Variants in KDM6A observed in about 807,000 individuals in gnomAD.
The protein encoded by KDM6A is lysine-specific demethylase 6A.
A neutral mutation model predicts 117.6 loss-of-function variants in KDM6A; 11 were observed. The ratio of observed to expected loss-of-function variants is 0.09; its 90% CI spans 0.06 to 0.15. The LOEUF is 0.15. KDM6A is among the 10% of genes least tolerant of loss of function. The pLI, the probability that KDM6A is intolerant of heterozygous loss-of-function variation, is 1.00. For missense variants in KDM6A, 799 were observed against 1,077.3 expected, an observed-to-expected ratio of 0.74 and a Z score of 3.62; for synonymous variants, 384 against 396.1, an observed-to-expected ratio of 0.97 and a Z score of 0.36.
rs182851618 is a variant in KDM6A, at chrX:45,002,450, T to G, written c.385-8511T>G. Among the ~76,000 whole-genome samples, 32 of 112,474 alleles carry G rather than the reference T, an allele frequency of 2.8e-4. 1 individual carries two copies. Among genetic ancestry groups the G allele is most frequent in the Admixed American group, 2.5e-3 (27 of 10,621 alleles). On this transcript the variant is annotated intron_variant, in intron 4 of 29. Transcript: ENST00000611820. ...ATGATACCTCTTTAACTTTAGCCAG[T>G]ATGTTTACACACAGAATTTCCTTTA...
intron 3 of KDM6A, among the ~76,000 whole-genome samples, chrX:44,969,042 G>A (rs979206323): frequency 9.1e-6 from 1 of 110,235 alleles, no homozygotes; most frequent in Non-Finnish European, 1.9e-5. Flanking sequence ...CAGAAATTAC[G>A]AGGCAGGAGA....
chrX:45,037,132 A>G (rs1360335749), intron 7 of KDM6A, among the ~76,000 whole-genome samples: 1 of 112,709 alleles, frequency 8.9e-6, no homozygotes, highest in Non-Finnish European at 1.9e-5. Flanking sequence ...ACTTTGAGCC[A>G]GTATTACTCT....
intron 3 of KDM6A, among the ~76,000 whole-genome samples, chrX:44,963,239 A>T (rs917678408): frequency 9.1e-6 from 1 of 110,293 alleles, no homozygotes; most frequent in African/African-American, 3.3e-5. Context: ...AGGCAGGAGG[A>T]TTACTTGAGC....
intron 2 of KDM6A, among the ~76,000 whole-genome samples, chrX:44,875,318 C>T (rs1002241502): frequency 8.9e-6 from 1 of 111,992 alleles, no homozygotes; most frequent in African/African-American, 3.2e-5. Context: ...TCCTTTTTAT[C>T]TGTAATTACA....
chrX:45,057,947 T>G (rs2044142035), intron 10 of KDM6A, among the ~76,000 whole-genome samples: 1 of 111,026 alleles, frequency 9.0e-6, no homozygotes, highest in Non-Finnish European at 1.9e-5. Context: ...TGGAAAAACT[T>G]TATGTATGTA....
chrX:44,939,747 G>T (rs2037184345), intron 2 of KDM6A, among the ~76,000 whole-genome samples: 1 of 111,507 alleles, frequency 9.0e-6, no homozygotes, highest in Non-Finnish European at 1.9e-5. Context: ...CTAAGAAACT[G>T]CCACAGCCAC....
At position 44,892,127 on chromosome X, in the gene KDM6A, G is replaced by A. The variant is rs930492939; in HGVS notation, c.225+18140G>A. ...AAAGTCTTTGAAGAGGAACCTCTACGTTTTACAGCCTTAATATCAGGTGTA... is the reference window on the plus strand; with the variant it reads ...AAAGTCTTTGAAGAGGAACCTCTACATTTTACAGCCTTAATATCAGGTGTA... On this transcript the variant is annotated intron_variant, in intron 2 of 29. Coordinates refer to ENST00000611820, the MANE Select transcript of KDM6A (RefSeq NM_001291415.2). 1.1e-4 allele frequency among the ~76,000 whole-genome samples: 12 copies of A among 112,470 alleles called. No individual in the cohort carries two copies. The East Asian group carries it at 2.5e-3, about 24-fold the overall frequency.
Position 45,059,456 on chromosome X carries a change from A to C in KDM6A, c.1184A>C (p.Lys395Thr). Residue 395 changes from lysine (K) to threonine (T), a missense_variant, in exon 12 of 30, where the codon AAG becomes ACG. Physicochemically the swap from Lys to Thr is moderately conservative, Grantham distance 78. Coordinates refer to ENST00000611820, the MANE Select transcript of KDM6A (RefSeq NM_001291415.2). ...SNTSALAARI[K>T]YLQAQLCNLP... ...ACCTCTGCACTTGCAGCACGAATTA[A>C]GTATTTACAGGTAAAATTTTTAAAT... is the stretch of plus-strand genomic sequence containing the variant. 8.3e-7 allele frequency: 1 copy of C among 1,198,782 alleles called. No individual in the cohort carries two copies. The highest frequency in any genetic ancestry group is 1.1e-6 in the Non-Finnish European group (1 of 884,733).
At chrX:45,098,058 T>G (rs1434642245) in intron 27 of KDM6A, among the ~76,000 whole-genome samples, 1 of 112,136 alleles carries the variant, frequency 8.9e-6, no homozygotes, top group Non-Finnish European at 1.9e-5. Context: ...ATTTAACTAT[T>G]TAAATGAAAT....
Position 44,963,483 on chromosome X carries a change from G to GTGTGTGTGTGTGTGTGTGTC in KDM6A, c.334+2094_334+2095insGTGTGTGTGTGTGTGTCTGT, listed in dbSNP as rs1481840859. Reference sequence around the variant, plus strand: ...TGTGTGTGTGTGTGTGTGTGTGTGTGTGTCTGTCTGTCTGTCTCTGTCTGT... The same window carrying GTGTGTGTGTGTGTGTGTGTC: ...TGTGTGTGTGTGTGTGTGTGTGTGTGTGTGTGTGTGTGTGTGTGTCTGTCTGTCTGTCTGTCTCTGTCTGT... On this transcript the variant is annotated intron_variant, in intron 3 of 29. Transcript: ENST00000611820. Among the ~76,000 whole-genome samples the GTGTGTGTGTGTGTGTGTGTC allele has an allele frequency of 1.5e-4, 6 of 40,889 alleles. No homozygotes were observed. In the East Asian group the frequency reaches 5.2e-3, roughly 35 times the overall value. 35.5% of individuals were successfully genotyped at this position (40,889 alleles called of 115,157 possible). A position where few individuals can be genotyped will look rare whatever the true frequency, so the allele number is the denominator to read the frequency against.
At chrX:45,082,975 G>A (rs940230799) in intron 23 of KDM6A, among the ~76,000 whole-genome samples, 186 bp downstream of exon 23, 8 of 109,383 alleles carry the variant, frequency 7.3e-5, no homozygotes, top group African/African-American at 2.7e-4. Context: ...TTTAAAAATA[G>A]AGATGGGGTC....
intron 4 of KDM6A, among the ~76,000 whole-genome samples, chrX:44,992,206 CTTTTTTTTTTTTTTTTTTTTTTT>C (rs779979560): frequency 6.2e-5 from 2 of 32,039 alleles, no homozygotes; most frequent in Non-Finnish European, 1.2e-4. Flanking sequence ...CTGTCTTCTT[CTTTTTTTTTTTTTTTTTTTTTTT>C]TTTTTTTTTT....
chrX:44,948,027 T>G (rs915394818), intron 2 of KDM6A, among the ~76,000 whole-genome samples: 1 of 111,623 alleles, frequency 9.0e-6, no homozygotes, highest in African/African-American at 3.3e-5. Flanking sequence ...TTTGTAGAGC[T>G]TAAGAACTTA....
At chrX:44,876,618 C>T (rs2031572411) in intron 2 of KDM6A, among the ~76,000 whole-genome samples, 1 of 89,734 alleles carries the variant, frequency 1.1e-5, no homozygotes, top group Non-Finnish European at 2.2e-5. Context: ...CTGCCATGCC[C>T]CCCCACCCCC....
At chrX:44,932,723 C>T (rs966339721) in intron 2 of KDM6A, among the ~76,000 whole-genome samples, 7 of 110,389 alleles carry the variant, frequency 6.3e-5, no homozygotes, top group African/African-American at 2.3e-4. Flanking sequence ...TATTGTTTTT[C>T]CTAATTTTTT....
At chrX:44,990,208 A>G (rs748521047) in intron 4 of KDM6A, among the ~76,000 whole-genome samples, 4 of 112,086 alleles carry the variant, frequency 3.6e-5, no homozygotes, top group African/African-American at 1.3e-4. Flanking sequence ...GTTATTTTTT[A>G]GGGGTTGGAT....
intron 2 of KDM6A, among the ~76,000 whole-genome samples, chrX:44,917,558 T>A (rs956150617): frequency 9.8e-5 from 11 of 112,214 alleles, no homozygotes; most frequent in African/African-American, 3.2e-4. Context: ...TTTTCTGATG[T>A]GAGCTGTTTA....
chrX:44,899,600 C>G (rs1286946017), intron 2 of KDM6A, among the ~76,000 whole-genome samples: 1 of 109,972 alleles, frequency 9.1e-6, no homozygotes, highest in African/African-American at 3.3e-5. Context: ...AGCATCCTGT[C>G]TTGGAAATAT....
At chrX:45,033,593 G>A (rs1402545544) in intron 6 of KDM6A, among the ~76,000 whole-genome samples, 1 of 110,147 alleles carries the variant, frequency 9.1e-6, no homozygotes, top group Non-Finnish European at 1.9e-5. Flanking sequence ...AGTCTCTGTC[G>A]CCTAGGTTGG....
Sources: gnomAD v4.1 joint callset for allele counts (sites outside exome capture counted in the v4.1 genomes callset) on GRCh38, gnomAD v4.1.1 for gene constraint, MANE v1.5 for transcripts, NCBI Gene and HGNC (gene_info 2026-07-23, HGNC 2026-07-21) for gene names.